The following CSMD1 variants were observed in gnomAD, a reference collection of about 807,000 sequenced individuals.
CSMD1 encodes the protein CUB and Sushi multiple domains 1.
In CSMD1, 213 loss-of-function variants were observed where a neutral mutation model predicts 417.5. The observed-to-expected ratio is 0.51, with a 90% CI of 0.46 to 0.57. The LOEUF (loss-of-function observed/expected upper bound fraction) is 0.57, where lower values mean the gene tolerates loss of function less well. Ranked by LOEUF, CSMD1 falls within the 20% of genes least tolerant of loss-of-function variation. The probability of loss-of-function intolerance (pLI) is 0.00; values close to 1 mark genes in which losing one functional copy is unlikely to be tolerated. For synonymous variants in CSMD1, 2,862 were observed against 1,736.8 expected (o/e 1.65, Z -16.11); for missense variants, 6,923 against 4,529.7 (o/e 1.53, Z -15.17).
chr8:4,638,855 T>G lies in CSMD1; in HGVS notation c.86-1297A>C, dbSNP rs377094606. ...ACTGAGCAGTGTCTGAGGAACTGAT[T>G]TCATTCTGCCTCTGCCTCTGAAGAT... On this transcript the variant is annotated intron_variant, in intron 1 of 69. Coordinates refer to ENST00000635120, the MANE Select transcript of CSMD1 (RefSeq NM_033225.6). 2.6e-5 allele frequency among the ~76,000 whole-genome samples: 4 copies of G among 152,282 alleles called. No homozygotes were observed. The East Asian group carries it at 7.7e-4, about 29-fold the overall frequency.
At chr8:3,801,439 C>G (rs1442626534) in intron 5 of CSMD1, among the ~76,000 whole-genome samples, 1 of 151,936 alleles carries the variant, frequency 6.6e-6, no homozygotes, top group South Asian at 2.1e-4. Context: ...CATTTCATAC[C>G]CACTAGAAGG....
At chr8:2,964,761 T>C (rs1398673894) in intron 59 of CSMD1, among the ~76,000 whole-genome samples, 1 of 152,150 alleles carries the variant, frequency 6.6e-6, no homozygotes, top group Non-Finnish European at 1.5e-5. Context: ...ATGAGATCCT[T>C]TGACTCTACT....
At chr8:3,650,290 G>A (rs1020822629) in intron 7 of CSMD1, among the ~76,000 whole-genome samples, 2 of 149,708 alleles carry the variant, frequency 1.3e-5, no homozygotes, top group Non-Finnish European at 3.0e-5. Flanking sequence ...AAAAAAAAAA[G>A]AAAAGTAAAG....
chr8:3,280,283 C>G (rs879332457), intron 26 of CSMD1, among the ~76,000 whole-genome samples: 1 of 152,084 alleles, frequency 6.6e-6, no homozygotes, highest in Non-Finnish European at 1.5e-5. Context: ...ACAGAAATGT[C>G]CTTAGAAATT....
chr8:4,477,634 A>G (rs1356093826), intron 2 of CSMD1, among the ~76,000 whole-genome samples: 2 of 152,248 alleles, frequency 1.3e-5, no homozygotes, highest in Admixed American at 6.5e-5. Context: ...GCACTGTGAG[A>G]TATCTAAGAA....
intron 1 of CSMD1, among the ~76,000 whole-genome samples, chr8:4,946,349 C>T (rs1808368859): frequency 6.6e-6 from 1 of 152,092 alleles, no homozygotes; most frequent in African/African-American, 2.4e-5. Flanking sequence ...TTTGAGGGTG[C>T]TTTAGTCACC....
intron 1 of CSMD1, among the ~76,000 whole-genome samples, chr8:4,834,977 A>AAAAAGAAAG (rs1385745588): frequency 2.2e-4 from 7 of 32,262 alleles, no homozygotes; most frequent in African/African-American, 3.2e-4. Flanking sequence ...AAAAAAAAAA[A>AAAAAGAAAG]AAAGAAAGAA....
chr8:2,949,254 G>A (rs746211932), intron 68 of CSMD1, 45 bp downstream of exon 68: 2 of 1,073,158 alleles, frequency 1.9e-6, no homozygotes, highest in African/African-American at 1.6e-5. Context: ...TCATTGGAAA[G>A]CCAAACTGAT....
intron 5 of CSMD1, among the ~76,000 whole-genome samples, chr8:3,990,818 G>A (rs1385346275): frequency 6.6e-6 from 1 of 152,076 alleles, no homozygotes; most frequent in Non-Finnish European, 1.5e-5. Context: ...AATTCCTAGG[G>A]TATACGCTCC....
chr8:3,340,521 C>T (rs79110198), intron 23 of CSMD1, among the ~76,000 whole-genome samples: 3,744 of 152,158 alleles, frequency 0.025, 153 homozygotes, highest in African/African-American at 0.087. Context: ...TATCAAGAGG[C>T]AATTACAAAA....
At chr8:4,644,568 G>A (rs1293277481) in intron 1 of CSMD1, among the ~76,000 whole-genome samples, 4 of 152,186 alleles carry the variant, frequency 2.6e-5, no homozygotes, top group African/African-American at 9.6e-5. Context: ...CACCACACCT[G>A]ACTAATATTT....
At chr8:4,031,311 T>A (rs1339422830) in intron 4 of CSMD1, among the ~76,000 whole-genome samples, 7 of 152,192 alleles carry the variant, frequency 4.6e-5, no homozygotes, top group South Asian at 2.1e-4. Context: ...CCGTCCCAAG[T>A]GGCTGGGGAA....
At chr8:3,111,555 G>C (rs1316172050) in intron 42 of CSMD1, among the ~76,000 whole-genome samples, 2 of 152,106 alleles carry the variant, frequency 1.3e-5, no homozygotes, top group South Asian at 2.1e-4. Context: ...CCATAGGCTG[G>C]GCACGGTGGC....
chr8:4,111,818 G>A (rs891390091), intron 3 of CSMD1, among the ~76,000 whole-genome samples: 1 of 152,050 alleles, frequency 6.6e-6, no homozygotes. Context: ...AATACATATG[G>A]GGCTTGAATC....
At position 4,535,803 on chromosome 8, in the gene CSMD1, T is replaced by C. The variant is rs577701148; in HGVS notation, c.302+101539A>G. Among the ~76,000 whole-genome samples, 7 of 152,294 alleles carry C rather than the reference T, an allele frequency of 4.6e-5. No individual in the cohort carries two copies. In the South Asian group the frequency reaches 1.5e-3, roughly 32 times the overall value. On this transcript the variant is annotated intron_variant, in intron 2 of 69. Transcript: ENST00000635120. ...ACTTTTCAGTGGAGCTATAAAAATATTTTCCCTTTCTTTAAAGGAAATACA... is the reference window on the plus strand; with the variant it reads ...ACTTTTCAGTGGAGCTATAAAAATACTTTCCCTTTCTTTAAAGGAAATACA...
chr8:4,643,043 G>C (rs1803301071), intron 1 of CSMD1, among the ~76,000 whole-genome samples: 1 of 152,132 alleles, frequency 6.6e-6, no homozygotes, highest in African/African-American at 2.4e-5. Flanking sequence ...TCCAACTCTG[G>C]GGCCTGATAT....
intron 7 of CSMD1, among the ~76,000 whole-genome samples, chr8:3,698,043 CT>C (rs34213198): frequency 0.13 from 19,342 of 151,952 alleles, 1,561 homozygotes; most frequent in African/African-American, 0.23. Context: ...TTAATAGATC[CT>C]TTTTTTCTGT....
intron 10 of CSMD1, among the ~76,000 whole-genome samples, chr8:3,541,741 A>C (rs1002131864): frequency 2.0e-5 from 3 of 147,196 alleles, no homozygotes; most frequent in Admixed American, 6.7e-5. Context: ...ATAAAATATT[A>C]TATAAATATA....
chr8:4,028,467 C>A (rs924054727), intron 4 of CSMD1, among the ~76,000 whole-genome samples: 1 of 151,638 alleles, frequency 6.6e-6, no homozygotes, highest in Non-Finnish European at 1.5e-5. Context: ...ACAATAAACA[C>A]CAAGCAGATC....
Sources: allele counts gnomAD v4.1 joint callset (sites outside exome capture counted in the v4.1 genomes callset), GRCh38; gene constraint gnomAD v4.1.1; transcripts MANE v1.5; gene names NCBI Gene and HGNC (gene_info 2026-07-23, HGNC 2026-07-21).